TENM4: variants seen among roughly 807,000 people sequenced by gnomAD.
TENM4 encodes the protein teneurin transmembrane protein 4, also known as teneurin-4.
Under a neutral mutation model 243.3 loss-of-function variants are expected in TENM4, and 82 were observed. The observed-to-expected ratio is 0.34, with a 90% CI of 0.28 to 0.40. TENM4 has a LOEUF of 0.40. Among genes scored for constraint, TENM4 ranks in the 10% least tolerant of loss-of-function variants. The probability of loss-of-function intolerance (pLI) is 1.00; values close to 1 mark genes in which losing one functional copy is unlikely to be tolerated. For synonymous variants in TENM4, 1,412 were observed against 1,456.3 expected (o/e 0.97, Z 0.69); for missense variants, 3,138 against 3,673.3 (o/e 0.85, Z 3.77).
chr11:78,916,337 T>C (rs1300220126), intron 6 of TENM4, among the ~76,000 whole-genome samples: 1 of 152,212 alleles, frequency 6.6e-6, no homozygotes, highest in African/African-American at 2.4e-5. Context: ...CAATTTAGGC[T>C]ATTAATTCAC....
Position 78,814,228 on chromosome 11 carries a change from A to G in TENM4, c.1783+66T>C, listed in dbSNP as rs1591043335. On this transcript the variant is annotated intron_variant, in intron 13 of 33. Coordinates refer to ENST00000278550, the MANE Select transcript of TENM4 (RefSeq NM_001098816.3). ...GCTGGATTCTGCACTTGCTCTGAGAAGTAGAAGTGAGCTGCCTGAGGGGTC... is the reference window on the plus strand; with the variant it reads ...GCTGGATTCTGCACTTGCTCTGAGAGGTAGAAGTGAGCTGCCTGAGGGGTC... 3 of 1,458,296 alleles carry G rather than the reference A, an allele frequency of 2.1e-6. No individual in the cohort carries two copies. In the East Asian group the frequency reaches 7.5e-5, roughly 37 times the overall value. The allele number at this position is 1,458,296 out of a possible 1,614,324, so 90.3% of individuals were successfully genotyped here. A position where few individuals can be genotyped will look rare whatever the true frequency, so the allele number is the denominator to read the frequency against.
chr11:79,016,757 T>G (rs920408450), intron 6 of TENM4, among the ~76,000 whole-genome samples: 1 of 152,192 alleles, frequency 6.6e-6, no homozygotes, highest in Non-Finnish European at 1.5e-5. Flanking sequence ...GAGGAAGTCT[T>G]TGGGGGAAGC....
In TENM4 at chr11:78,941,207, C is replaced by T. The variant is rs565890636; in HGVS notation, c.494-37684G>A. On this transcript the variant is annotated intron_variant, in intron 6 of 33. Transcript: ENST00000278550. Reference sequence around the variant, plus strand: ...TGGCAAATTGCATGATCTCTCTGAGCCTCGGTTGCCTCACTTGTGAAAAGA... The same window carrying T: ...TGGCAAATTGCATGATCTCTCTGAGTCTCGGTTGCCTCACTTGTGAAAAGA... 1.1e-4 allele frequency among the ~76,000 whole-genome samples: 16 copies of T among 152,304 alleles called. No homozygotes were observed. The South Asian group carries it at 3.1e-3, about 30-fold the overall frequency.
At chr11:79,097,455 C>T (rs1317901051) in intron 4 of TENM4, 1 of 152,202 alleles carries the variant, frequency 6.6e-6, no homozygotes, top group Admixed American at 6.5e-5. Context: ...CGTCCCCTCC[C>T]TCCTTTGGGC....
chr11:78,796,554 G>C (rs1236943994), intron 15 of TENM4, among the ~76,000 whole-genome samples: 1 of 151,780 alleles, frequency 6.6e-6, no homozygotes, highest in Admixed American at 6.6e-5. Flanking sequence ...CTTCCACCTG[G>C]CTGTCCCCCA....
chr11:79,327,090 CA>C (rs1565300841), intron 1 of TENM4, among the ~76,000 whole-genome samples: 1 of 152,158 alleles, frequency 6.6e-6, no homozygotes, highest in Non-Finnish European at 1.5e-5. Flanking sequence ...TAAAACAGAA[CA>C]TTAATCTCCA....
intron 2 of TENM4, among the ~76,000 whole-genome samples, chr11:79,289,803 C>T (rs1024213758): frequency 3.9e-5 from 6 of 152,208 alleles, no homozygotes. Context: ...TACTCCTCAA[C>T]AAAGGAAGAC....
At chr11:78,895,291 T>C (rs1268206272) in intron 7 of TENM4, among the ~76,000 whole-genome samples, 1 of 151,624 alleles carries the variant, frequency 6.6e-6, no homozygotes, top group Non-Finnish European at 1.5e-5. Flanking sequence ...AGCCGGCGAT[T>C]ATGCCACTGC....
intron 6 of TENM4, among the ~76,000 whole-genome samples, chr11:78,994,122 G>A (rs920077067): frequency 1.3e-5 from 2 of 152,174 alleles, no homozygotes; most frequent in African/African-American, 4.8e-5. Context: ...CTAAAGCATG[G>A]CCTTTCTCCA....
At chr11:79,270,117 C>T (rs996069202) in intron 2 of TENM4, among the ~76,000 whole-genome samples, 2 of 152,090 alleles carry the variant, frequency 1.3e-5, no homozygotes, top group African/African-American at 4.8e-5. Context: ...ACCGTCCTTT[C>T]GCCCAGCATC....
chr11:79,101,129 T>C (rs1861220734), intron 4 of TENM4, among the ~76,000 whole-genome samples: 1 of 152,212 alleles, frequency 6.6e-6, no homozygotes, highest in African/African-American at 2.4e-5. Flanking sequence ...AAAGGTGGCA[T>C]CATGTTCTGT....
intron 7 of TENM4, among the ~76,000 whole-genome samples, chr11:78,902,099 T>C (rs1031090670): frequency 3.3e-5 from 5 of 152,192 alleles, no homozygotes; most frequent in Non-Finnish European, 7.3e-5. Context: ...AAATAAAATC[T>C]ACGTTTCCCA....
chr11:79,293,507 T>A (rs2135385385), intron 2 of TENM4, among the ~76,000 whole-genome samples: 1 of 119,596 alleles, frequency 8.4e-6, no homozygotes, highest in Admixed American at 8.7e-5. Flanking sequence ...ACACTGTCCC[T>A]TAAAAAAAAA....
intron 1 of TENM4, among the ~76,000 whole-genome samples, chr11:79,424,420 G>C (rs902444785): frequency 6.6e-6 from 1 of 152,128 alleles, no homozygotes; most frequent in Non-Finnish European, 1.5e-5. Flanking sequence ...TGGACAACAT[G>C]GCAAAACCTA....
intron 1 of TENM4, among the ~76,000 whole-genome samples, chr11:79,323,670 A>C (rs1856928130): frequency 6.6e-6 from 1 of 152,228 alleles, no homozygotes; most frequent in Admixed American, 6.5e-5. Flanking sequence ...AAAGCAGATT[A>C]TCTTCCATAA....
At chr11:79,204,983 A>G (rs1227289179) in intron 3 of TENM4, among the ~76,000 whole-genome samples, 1 of 152,228 alleles carries the variant, frequency 6.6e-6, no homozygotes, top group African/African-American at 2.4e-5. Flanking sequence ...GATACTGTAC[A>G]TACATATGTA....
intron 15 of TENM4, among the ~76,000 whole-genome samples, chr11:78,792,422 A>G (rs1052476348): frequency 1.3e-5 from 2 of 152,134 alleles, no homozygotes; most frequent in African/African-American, 4.8e-5. Flanking sequence ...TCCTATTCCA[A>G]GCTTACAGAG....
intron 22 of TENM4, among the ~76,000 whole-genome samples, chr11:78,728,422 A>G (rs1051043119): frequency 1.3e-5 from 2 of 152,084 alleles, no homozygotes; most frequent in Non-Finnish European, 2.9e-5. Flanking sequence ...TAGGTGCTCA[A>G]GCAACATTCT....
At chr11:79,028,049 C>T (rs1427182442) in intron 6 of TENM4, among the ~76,000 whole-genome samples, 1 of 152,156 alleles carries the variant, frequency 6.6e-6, no homozygotes, top group African/African-American at 2.4e-5. Flanking sequence ...TTAGGCCAGA[C>T]AGTATGGATT....
Sources: gnomAD v4.1 joint callset for allele counts (sites outside exome capture counted in the v4.1 genomes callset) on GRCh38, gnomAD v4.1.1 for gene constraint, MANE v1.5 for transcripts, NCBI Gene and HGNC (gene_info 2026-07-23, HGNC 2026-07-21) for gene names.